The following WDR54 variants were observed in gnomAD, a reference collection of about 807,000 sequenced individuals.
WDR54 encodes WD repeat domain 54.
In WDR54, 44 loss-of-function variants were observed where a neutral mutation model predicts 44.1. The observed-to-expected ratio is 1.00, with a 90% confidence interval of 0.78 to 1.28. The LOEUF (loss-of-function observed/expected upper bound fraction) is 1.28. Ranked by LOEUF, WDR54 falls within the 50% of genes most tolerant of loss-of-function variation. The pLI is 0.00. For synonymous variants in WDR54, 169 were observed against 169.8 expected (o/e 1.00, Z 0.04); for missense variants, 409 against 429.7 (o/e 0.95, Z 0.43).
chr2:74,423,203 A>T, intron 3 of WDR54, 116 bp from the exon 4 acceptor site: 2 of 1,241,162 alleles, frequency 1.6e-6, no homozygotes, highest in Non-Finnish European at 2.4e-6. Flanking sequence ...TAAAAATAGT[A>T]CCTACATCCC....
rs1328942664 is a variant in WDR54, at chr2:74,423,342, C to T, written c.309C>T (p.Thr103=). The change falls in exon 4 of 10, where the codon ACC becomes ACT. Residue 103 remains threonine (T), a synonymous_variant. Coordinates refer to ENST00000348227, the MANE Select transcript of WDR54 (RefSeq NM_032118.4). ...GIQMYESNGY[T]MVYWHALDSG... Reference sequence around the variant, plus strand: ...AGATGTACGAGTCCAATGGCTACACCATGGTCTACTGGCATGCACTGGACT... The same window carrying T: ...AGATGTACGAGTCCAATGGCTACACTATGGTCTACTGGCATGCACTGGACT... The T allele has an allele frequency of 1.2e-6, 2 of 1,613,996 alleles. No homozygotes were observed. The highest frequency in any genetic ancestry group is 8.5e-7 in the Non-Finnish European group (1 of 1,180,040).
chr2:74,423,250 A>G, intron 3 of WDR54, 69 bp from the exon 4 acceptor site: 2 of 1,550,008 alleles, frequency 1.3e-6, no homozygotes, highest in Admixed American at 1.7e-5. Context: ...TAAGGCTAAC[A>G]CGGATATGTG....
chr2:74,422,367 A>G lies in WDR54; in HGVS notation c.214A>G (p.Ile72Val), dbSNP rs760395412. ...KEGAGVSPPL[I>V]TQVHWCVLPF... ...GGGTGCTGGAGTGAGTCCCCCACTT[A>G]TCACTCAGGTGAGGCATGGAGCTGG... is the stretch of plus-strand genomic sequence containing the variant. The change falls in exon 2 of 10, where the codon ATC (isoleucine) becomes GTC (valine). Residue 72 changes from isoleucine to valine, a missense_variant. Transcript: ENST00000348227. 2 of 1,612,232 alleles carry G rather than the reference A, an allele frequency of 1.2e-6. No individual in the cohort carries two copies. Among genetic ancestry groups the G allele is most frequent in the Admixed American group, 1.7e-5 (1 of 59,974 alleles).
Position 74,422,350 on chromosome 2 carries a change from G to A in WDR54, c.197G>A (p.Gly66Glu). Residue 66 changes from glycine to glutamate, a missense_variant, in exon 2 of 10, where the codon GGA becomes GAA. Transcript: ENST00000348227. The part of the protein sequence containing the change: ...QRQLHAKEGA[G>E]VSPPLITQVH... ...CAGCTCCACGCTAAGGAGGGTGCTG[G>A]AGTGAGTCCCCCACTTATCACTCAG... The A allele has an allele frequency of 1.2e-6, 2 of 1,613,938 alleles. No homozygotes were observed. The highest frequency in any genetic ancestry group is 1.7e-6 in the Non-Finnish European group (2 of 1,179,868).
rs1412837810 is a variant in WDR54 at position 74,424,867 on chromosome 2, C to T, written c.535-8C>T. On this transcript the variant is annotated splice_region_variant and splice_polypyrimidine_tract_variant and intron_variant, in intron 6 of 9. Coordinates refer to ENST00000348227, the MANE Select transcript of WDR54 (RefSeq NM_032118.4). ...AAAGGGAAGGGTTGATCTTGCCTTTCCCTTCAGGATTGTGTGGCTGACATG... is the reference window on the plus strand; with the variant it reads ...AAAGGGAAGGGTTGATCTTGCCTTTTCCTTCAGGATTGTGTGGCTGACATG... 6.2e-7 allele frequency: 1 copy of T among 1,614,172 alleles called. No individual in the cohort carries two copies. Among genetic ancestry groups the T allele is most frequent in the South Asian group, 1.1e-5 (1 of 91,068 alleles).
At chr2:74,425,280 G>A (rs757205967) in intron 8 of WDR54, 43 bp downstream of exon 8, 1 of 1,534,748 alleles carries the variant, frequency 6.5e-7, no homozygotes, top group Non-Finnish European at 8.8e-7. Context: ...TTTCCTGGCA[G>A]TGGAATGTTG....
chr2:74,423,983 G>A lies in WDR54; in HGVS notation c.534+1G>A, dbSNP rs767636395. 10 of 1,613,970 alleles carry A rather than the reference G, an allele frequency of 6.2e-6. No individual in the cohort carries two copies. Among genetic ancestry groups the A allele is most frequent in the Non-Finnish European group, 8.5e-6 (10 of 1,180,004 alleles). ...TGCCACCGAGCCTGCCCAGGGACAG[G>A]TGAGTGGACTTCCCCTACCCATCTG... On this transcript the variant is annotated splice_donor_variant, in intron 6 of 9. Transcript: ENST00000348227. LOFTEE classifies it high-confidence loss of function.
At chr2:74,423,004 C>T in intron 3 of WDR54, 72 bp downstream of exon 3, 1 of 1,507,344 alleles carries the variant, frequency 6.6e-7, no homozygotes, top group Non-Finnish European at 9.2e-7. Context: ...CAGACTTTCC[C>T]ACTTGCCTCT....
chr2:74,424,835 A>AG (rs772394120), intron 6 of WDR54, 40 bp from the exon 7 acceptor site: 2 of 1,612,020 alleles, frequency 1.2e-6, no homozygotes, highest in African/African-American at 2.7e-5. Context: ...GGACCATAGC[A>AG]GGGGAGAAAG....
chr2:74,421,802 G>C lies in WDR54; in HGVS notation c.-16G>C, dbSNP rs567729038. 130 of 674,626 alleles carry C rather than the reference G, an allele frequency of 1.9e-4. No homozygotes were observed. The highest frequency in any genetic ancestry group is 1.1e-3 in the Admixed American group (44 of 40,960). The allele number at this position is 674,626 out of a possible 1,614,324, so 41.8% of individuals were successfully genotyped here. The stretch of plus-strand genomic sequence containing the variant: ...CTACGAACCAGGAGTCAGGCGAGCC[G>C]ATCTGGGGCTGCAGGTGTTACCTCT... On this transcript the variant is annotated 5_prime_UTR_variant, in exon 1 of 10. Coordinates refer to ENST00000348227, the MANE Select transcript of WDR54 (RefSeq NM_032118.4).
chr2:74,423,430 G>A, intron 4 of WDR54, 45 bp downstream of exon 4: 2 of 1,614,124 alleles, frequency 1.2e-6, no homozygotes, highest in Non-Finnish European at 1.7e-6. Context: ...GTGTTTGCTA[G>A]GGCTGCAGGA....
rs540858821 is a variant in WDR54 at position 74,425,701 on chromosome 2, A to G, written c.1005A>G (p.Ter335TrpextTer?). The G allele has an allele frequency of 1.2e-6, 2 of 1,614,168 alleles. No homozygotes were observed. Among genetic ancestry groups the G allele is most frequent in the South Asian group, 2.2e-5 (2 of 91,058 alleles). The change falls in exon 10 of 10, where the codon TGA becomes TGG. Residue 335 changes from the stop codon to tryptophan, a stop_lost. Coordinates refer to ENST00000348227, the MANE Select transcript of WDR54 (RefSeq NM_032118.4). The stretch of plus-strand genomic sequence containing the variant: ...AGATCCGGAGATTCAGCAGTGTGTG[A>G]GAAGAGCAGCCTTCCTTTGTCCCTG... Reference protein sequence around the residue: ...LAEIRRFSSV* With the variant: ...LAEIRRFSSVW
chr2:74,422,848 A>T, intron 2 of WDR54, 22 bp from the exon 3 acceptor site: 3 of 1,607,846 alleles, frequency 1.9e-6, no homozygotes, highest in Non-Finnish European at 2.6e-6. Context: ...TTTTCTCCCT[A>T]CACTGATGCA....
chr2:74,422,675 C>T (rs1670170031), intron 2 of WDR54, 195 bp from the exon 3 acceptor site: 4 of 626,574 alleles, frequency 6.4e-6, no homozygotes. Context: ...CACCTGTAAT[C>T]CCAGCTACTT....
In WDR54 at chr2:74,422,239, G is replaced by T. The variant is rs771081461; in HGVS notation, c.86G>T (p.Arg29Leu). The T allele has an allele frequency of 1.2e-6, 2 of 1,614,002 alleles. No homozygotes were observed. The highest frequency in any genetic ancestry group is 1.7e-6 in the Non-Finnish European group (2 of 1,180,032). Residue 29 changes from arginine (R) to leucine (L), a missense_variant, in exon 2 of 10, where the codon CGC (arginine) becomes CTC (leucine). Transcript: ENST00000348227. ...NNLSVLQLPA[R>L]NLTYFGVVHG... ...CTCAGTGTGCTGCAGCTGCCGGCTC[G>T]CAACCTCACGTATTTTGGCGTGGTT...
rs1013163979 is a variant in WDR54, at chr2:74,422,184, C to G, written c.31C>G (p.Arg11Gly). 3 of 1,613,430 alleles carry G rather than the reference C, an allele frequency of 1.9e-6. No individual in the cohort carries two copies. The African/African-American group carries it at 4.0e-5, about 22-fold the overall frequency. ...CCGCTGGGAGCGCTCCATTCCCCTG[C>G]GAGGCTCGGCCGCCGCCCTGTGCAA... Reference protein sequence around the residue: MFRWERSIPLRGSAAALCNNL... With the variant: MFRWERSIPLGGSAAALCNNL... Residue 11 changes from arginine to glycine, a missense_variant, in exon 2 of 10, where the codon CGA (arginine) becomes GGA (glycine). Arg to Gly is a moderately radical substitution (Grantham distance 125, BLOSUM62 -2). Coordinates refer to ENST00000348227, the MANE Select transcript of WDR54 (RefSeq NM_032118.4).
Position 74,423,843 on chromosome 2 carries a change from T to G in WDR54, c.407-12T>G, listed in dbSNP as rs1573224185. The G allele has an allele frequency of 1.2e-6, 2 of 1,613,864 alleles. No homozygotes were observed. The highest frequency in any genetic ancestry group is 1.7e-6 in the Non-Finnish European group (2 of 1,179,840). On this transcript the variant is annotated splice_polypyrimidine_tract_variant and intron_variant, in intron 5 of 9. Coordinates refer to ENST00000348227, the MANE Select transcript of WDR54 (RefSeq NM_032118.4). ...CAGGAAGTCATCACTGGAGTACTGG[T>G]TCTGGATACAGGAACGTGGTCAGGC...
At position 74,425,065 on chromosome 2, in the gene WDR54, A is replaced by G. The variant is rs899892742; in HGVS notation, c.636-10A>G. ...TCTGGGCAAAACAAAGTTGGGTGTC[A>G]CCCTTGCAGAGTTCCGTGCCCCTCT... is the stretch of plus-strand genomic sequence containing the variant. On this transcript the variant is annotated splice_polypyrimidine_tract_variant and intron_variant, in intron 7 of 9. Transcript: ENST00000348227. 6.2e-7 allele frequency: 1 copy of G among 1,609,746 alleles called. No individual in the cohort carries two copies. The highest frequency in any genetic ancestry group is 1.3e-5 in the African/African-American group (1 of 74,848).
At position 74,422,358 on chromosome 2, in the gene WDR54, C is replaced by A. The variant is rs369150244; in HGVS notation, c.205C>A (p.Pro69Thr). Reference protein sequence around the residue: ...LHAKEGAGVSPPLITQVHWCV... With the variant: ...LHAKEGAGVSTPLITQVHWCV... ...CGCTAAGGAGGGTGCTGGAGTGAGT[C>A]CCCCACTTATCACTCAGGTGAGGCA... Residue 69 changes from proline (P) to threonine (T), a missense_variant, in exon 2 of 10, where the codon CCC (proline) becomes ACC (threonine). Physicochemically the swap from Pro to Thr is conservative, Grantham distance 38. Coordinates refer to ENST00000348227, the MANE Select transcript of WDR54 (RefSeq NM_032118.4). 2.1e-5 allele frequency: 34 copies of A among 1,612,824 alleles called. No individual in the cohort carries two copies. The African/African-American group carries it at 4.4e-4, about 21-fold the overall frequency.
Sources: allele counts gnomAD v4.1 joint callset, GRCh38; gene constraint gnomAD v4.1.1; transcripts MANE v1.5; gene names NCBI Gene and HGNC (gene_info 2026-07-23, HGNC 2026-07-21).